STYXL1: variants seen among roughly 807,000 people sequenced by gnomAD.
The protein encoded by STYXL1 is serine/threonine/tyrosine-interacting-like protein 1.
STYXL1 carries 32 observed loss-of-function variants against 36.4 expected under a neutral mutation model. The ratio of observed to expected loss-of-function variants is 0.88; its 90% confidence interval spans 0.66 to 1.18. STYXL1 has a LOEUF of 1.18. Among genes scored for constraint, STYXL1 ranks in the 50% most tolerant of loss-of-function variants. STYXL1 has a pLI of 0.00. For missense variants in STYXL1, 354 were observed against 394.1 expected (o/e 0.90, Z 0.86); for synonymous variants, 133 against 144.1 (o/e 0.92, Z 0.55).
chr7:75,996,516 C>CT lies in STYXL1; in HGVS notation c.893dup (p.Thr299AspfsTer?). 1 of 1,614,216 alleles carries CT rather than the reference C, an allele frequency of 6.2e-7. No homozygotes were observed. The highest frequency in any genetic ancestry group is 2.2e-5 in the East Asian group (1 of 44,886). Reference sequence around the variant, plus strand: ...TTGTGATGGAATCTCCAAGGATAGTCTTCTCCCATTCCAGCAGCTGGCTCA... The same window carrying CT: ...TTGTGATGGAATCTCCAAGGATAGTCTTTCTCCCATTCCAGCAGCTGGCTCA... On this transcript the variant is annotated frameshift_variant, in exon 9 of 9. Coordinates refer to ENST00000359697, the MANE Select transcript of STYXL1 (RefSeq NM_001317785.2). LOFTEE classifies it high-confidence loss of function.
intron 4 of STYXL1, among the ~76,000 whole-genome samples, chr7:76,021,537 C>T (rs541744156): frequency 3.9e-5 from 6 of 152,268 alleles, no homozygotes; most frequent in East Asian, 1.9e-4. Flanking sequence ...CACCAAAGAA[C>T]GCAGTTTCCA....
chr7:76,004,094 C>CT lies in STYXL1; in HGVS notation c.600-240dup, dbSNP rs201317979. 8.2e-3 allele frequency among the ~76,000 whole-genome samples: 1,242 copies of CT among 151,480 alleles called. 30 individuals carry two copies. The highest frequency in any genetic ancestry group is 0.055 in the Admixed American group (836 of 15,176). ...GAGGATCACATAGCGAGACCCTTGT[C>CT]TTTTTTTTTGTTTGTTTGAGACAGA... is the stretch of plus-strand genomic sequence containing the variant. On this transcript the variant is annotated intron_variant, in intron 6 of 8. Coordinates refer to ENST00000359697, the MANE Select transcript of STYXL1 (RefSeq NM_001317785.2).
rs183446816 is a variant in STYXL1, at chr7:76,041,012, T to C, written c.-5+6650A>G. Among the ~76,000 whole-genome samples the C allele has an allele frequency of 1.6e-4, 24 of 151,872 alleles. No homozygotes were observed. In the East Asian group the frequency reaches 2.3e-3, roughly 15 times the overall value. On this transcript the variant is annotated intron_variant, in intron 1 of 8. Coordinates refer to ENST00000359697, the MANE Select transcript of STYXL1 (RefSeq NM_001317785.2). ...TAACCACCTTTCTAACCCTTTGTTT[T>C]AGCTCCAGGGATCCAAAAGGAGCGG...
intron 1 of STYXL1, among the ~76,000 whole-genome samples, chr7:76,036,841 G>C (rs1554580815): frequency 7.6e-6 from 1 of 131,438 alleles, no homozygotes; most frequent in Non-Finnish European, 1.7e-5. Flanking sequence ...CTGGAGTGCA[G>C]TGGTGCGATC....
chr7:76,007,941 A>G (rs1337226543), intron 5 of STYXL1, among the ~76,000 whole-genome samples: 4 of 150,862 alleles, frequency 2.7e-5, no homozygotes, highest in African/African-American at 7.3e-5. Flanking sequence ...CCTCATGCTT[A>G]TAATCCCAGC....
intron 1 of STYXL1, among the ~76,000 whole-genome samples, chr7:76,039,224 C>A (rs1423813306): frequency 6.7e-6 from 1 of 149,326 alleles, no homozygotes; most frequent in Non-Finnish European, 1.5e-5. Flanking sequence ...GCGTGAGTCA[C>A]CGCACCCGGC....
chr7:76,000,089 G>A (rs1308780420), intron 8 of STYXL1, among the ~76,000 whole-genome samples: 2 of 151,774 alleles, frequency 1.3e-5, no homozygotes, highest in Non-Finnish European at 2.9e-5. Flanking sequence ...TACGCGGGAG[G>A]CAGAGACAGG....
chr7:76,003,850 G>A lies in STYXL1; in HGVS notation c.605C>T (p.Ala202Val), dbSNP rs1158278200. 2.5e-6 allele frequency: 4 copies of A among 1,614,120 alleles called. No homozygotes were observed. Among genetic ancestry groups the A allele is most frequent in the Non-Finnish European group, 2.5e-6 (3 of 1,179,992 alleles). The change falls in exon 7 of 9, where the codon GCA becomes GTA. Residue 202 changes from alanine (A) to valine (V), a missense_variant. Transcript: ENST00000359697. ...NVSMDTGPFF[A>V]GDADKLLHIR... ...GTGCAGAAGCTTGTCAGCATCGCCTGCAAAACTACACGGAAGGACCACACA... is the reference window on the plus strand; with the variant it reads ...GTGCAGAAGCTTGTCAGCATCGCCTACAAAACTACACGGAAGGACCACACA...
intron 1 of STYXL1, among the ~76,000 whole-genome samples, chr7:76,031,601 G>A (rs953846022): frequency 6.6e-6 from 1 of 151,606 alleles, no homozygotes; most frequent in Non-Finnish European, 1.5e-5. Flanking sequence ...TGTAATCCCA[G>A]CTACTTGGGA....
At chr7:76,002,863 G>A (rs1330885257) in intron 7 of STYXL1, among the ~76,000 whole-genome samples, 3 of 152,052 alleles carry the variant, frequency 2.0e-5, no homozygotes, top group Admixed American at 6.6e-5. Flanking sequence ...AGTAGAGATT[G>A]CAGTGAGCCA....
At chr7:76,024,693 G>C (rs888156053) in intron 3 of STYXL1, among the ~76,000 whole-genome samples, 5 of 152,016 alleles carry the variant, frequency 3.3e-5, no homozygotes, top group Non-Finnish European at 7.4e-5. Context: ...GCTCACACTT[G>C]TAATCCCAGC....
In STYXL1 at chr7:76,021,959, CCA is replaced by C; in HGVS notation, c.197_198del (p.Val66GlyfsTer12). On this transcript the variant is annotated frameshift_variant, in exon 4 of 9. Coordinates refer to ENST00000359697, the MANE Select transcript of STYXL1 (RefSeq NM_001317785.2). LOFTEE classifies it high-confidence loss of function. The stretch of plus-strand genomic sequence containing the variant: ...ACGCAGTACTTCACACACTCCAGGT[CCA>C]CAGACTCCGGGAGAAGATATTCATT... ...KNNEYLLPES[V>X]DLECVKYCVV... 6.2e-7 allele frequency: 1 copy of C among 1,612,782 alleles called. No individual in the cohort carries two copies.
At chr7:76,018,936 G>T in intron 4 of STYXL1, among the ~76,000 whole-genome samples, 1 of 152,116 alleles carries the variant, frequency 6.6e-6, no homozygotes, top group Non-Finnish European at 1.5e-5. Context: ...TTACTTTCTG[G>T]TTCGCAGTGT....
In STYXL1 at chr7:76,005,342, A is replaced by G; in HGVS notation, c.516T>C (p.Asn172=). 1 of 1,613,672 alleles carries G rather than the reference A, an allele frequency of 6.2e-7. No individual in the cohort carries two copies. Among genetic ancestry groups the G allele is most frequent in the Non-Finnish European group, 8.5e-7 (1 of 1,179,662 alleles). Reference sequence around the variant, plus strand: ...TCTTGGGGTCACAGGCTTGACTGAAATTGCCAACGAAGACCTTCCCTGGCA... The same window carrying G: ...TCTTGGGGTCACAGGCTTGACTGAAGTTGCCAACGAAGACCTTCCCTGGCA... The part of the protein sequence containing the change: ...EIVPGKVFVG[N]FSQACDPKIQ... The change falls in exon 6 of 9, where the codon AAT becomes AAC. Residue 172 remains asparagine, a synonymous_variant. Coordinates refer to ENST00000359697, the MANE Select transcript of STYXL1 (RefSeq NM_001317785.2).
chr7:76,019,289 T>C (rs1268344886), intron 4 of STYXL1, among the ~76,000 whole-genome samples: 2 of 151,942 alleles, frequency 1.3e-5, no homozygotes, highest in African/African-American at 4.8e-5. Flanking sequence ...TTTCTTTTTT[T>C]TTTTTTTTTA....
At position 76,030,450 on chromosome 7, in the gene STYXL1, A is replaced by C; in HGVS notation, c.74T>G (p.Leu25Ter). Residue 25 changes from leucine (L) to a stop codon, truncating the protein, a stop_gained, in exon 2 of 9, where the codon TTA (leucine) becomes TGA (stop). Coordinates refer to ENST00000359697, the MANE Select transcript of STYXL1 (RefSeq NM_001317785.2). LOFTEE classifies it high-confidence loss of function. The part of the protein sequence containing the change: ...ILNQATKLSR[L>*]TDPNYLCLLD... ...TAAACAGAGATAGTTGGGGTCTGTT[A>C]ATCTGGAGAGTTTTGTGGCCTGATT... 2.5e-6 allele frequency: 4 copies of C among 1,613,884 alleles called. No individual in the cohort carries two copies. Among genetic ancestry groups the C allele is most frequent in the Non-Finnish European group, 2.5e-6 (3 of 1,179,820 alleles).
chr7:76,046,757 TCTC>T (rs1554583826), intron 1 of STYXL1, among the ~76,000 whole-genome samples: 1 of 151,026 alleles, frequency 6.6e-6, no homozygotes, highest in Non-Finnish European at 1.5e-5. Context: ...TTCAAGCGAT[TCTC>T]CTGCCTCAGC....
chr7:76,039,229 C>T (rs1554581553), intron 1 of STYXL1, among the ~76,000 whole-genome samples: 1 of 149,312 alleles, frequency 6.7e-6, no homozygotes, highest in Non-Finnish European at 1.5e-5. Flanking sequence ...AGTCACCGCA[C>T]CCGGCCAACT....
chr7:76,022,339 G>T (rs1458361386), intron 3 of STYXL1, among the ~76,000 whole-genome samples: 2 of 152,090 alleles, frequency 1.3e-5, no homozygotes, highest in Non-Finnish European at 2.9e-5. Flanking sequence ...TTCTCATGGG[G>T]AGAGTGTTTG....
Sources: allele counts gnomAD v4.1 joint callset (sites outside exome capture counted in the v4.1 genomes callset), GRCh38; gene constraint gnomAD v4.1.1; transcripts MANE v1.5; gene names NCBI Gene and HGNC (gene_info 2026-07-23, HGNC 2026-07-21).